Variants in ANKRD30A observed in about 807,000 individuals in gnomAD.
ANKRD30A encodes the protein ankyrin repeat domain 30A.
A neutral mutation model predicts 166.3 loss-of-function variants in ANKRD30A; 170 were observed. The ratio of observed to expected loss-of-function variants is 1.02; its 90% confidence interval spans 0.90 to 1.16. The LOEUF (loss-of-function observed/expected upper bound fraction) is 1.16, where lower values mean the gene tolerates loss of function less well. ANKRD30A is among the 50% of genes most tolerant of loss of function. ANKRD30A has a pLI of 0.00. For missense variants in ANKRD30A, 1,630 were observed against 1,518.0 expected, an observed-to-expected ratio of 1.07 and a Z score of -1.23; for synonymous variants, 564 against 508.9, an observed-to-expected ratio of 1.11 and a Z score of -1.46.
At chr10:37,206,195 G>A (rs1017163669) in intron 31 of ANKRD30A, among the ~76,000 whole-genome samples, 2 of 152,178 alleles carry the variant, frequency 1.3e-5, no homozygotes, top group African/African-American at 2.4e-5. Flanking sequence ...TGTGAGGCAT[G>A]AAGTGGGAGG....
intron 16 of ANKRD30A, 30 bp downstream of exon 16, chr10:37,162,707 G>T: frequency 3.1e-6 from 5 of 1,612,952 alleles, no homozygotes; most frequent in Non-Finnish European, 4.2e-6. Flanking sequence ...CATTTTGAAT[G>T]ACTTATTATC....
chr10:37,198,808 T>G (rs1841377587), intron 29 of ANKRD30A, among the ~76,000 whole-genome samples: 1 of 152,122 alleles, frequency 6.6e-6, no homozygotes, highest in Admixed American at 6.6e-5. Flanking sequence ...CCCTTAATGA[T>G]GAAATGGTCT....
Position 37,183,593 on chromosome 10 carries a change from A to G in ANKRD30A, c.2422-5874A>G, listed in dbSNP as rs371313414. 9.7e-4 allele frequency among the ~76,000 whole-genome samples: 143 copies of G among 147,106 alleles called. 1 individual carries two copies. In the East Asian group the frequency reaches 0.02, roughly 21 times the overall value. ...ACAGATTCATTCTGTGTCTCATGGC[A>G]CTGTGCTCTCTTTTTCCCTAGAGAG... On this transcript the variant is annotated intron_variant, in intron 24 of 35. Transcript: ENST00000361713.
intron 27 of ANKRD30A, among the ~76,000 whole-genome samples, chr10:37,196,855 G>T (rs1216474608): frequency 1.3e-5 from 2 of 152,184 alleles, no homozygotes; most frequent in African/African-American, 4.8e-5. Flanking sequence ...TCAGTGACGA[G>T]ATGTCAGTTG....
chr10:37,149,271 C>T (rs1714493258), intron 9 of ANKRD30A, among the ~76,000 whole-genome samples: 1 of 151,948 alleles, frequency 6.6e-6, no homozygotes, highest in Non-Finnish European at 1.5e-5. Flanking sequence ...TAACTATGTA[C>T]TTTTCCAAAG....
Position 37,219,233 on chromosome 10 carries a change from A to G in ANKRD30A, c.3521A>G (p.Glu1174Gly), listed in dbSNP as rs761085596. The G allele has an allele frequency of 1.2e-4, 198 of 1,610,756 alleles. 1 individual carries two copies. The Middle Eastern group carries it at 4.0e-3, about 32-fold the overall frequency. Residue 1174 changes from glutamate (E) to glycine (G), a missense_variant, in exon 34 of 36, where the codon GAG (glutamate) becomes GGG (glycine). Physicochemically the swap from Glu to Gly is moderately conservative, Grantham distance 98. This residue lies in a region of ANKRD30A where 712 missense variants were observed against 629.3 expected (regional missense o/e 1.13). Coordinates refer to ENST00000361713, the MANE Select transcript of ANKRD30A (RefSeq NM_052997.3). ...GGGCAGCTTAAAGTTCTGATAGCTG[A>G]GAACACAATGCTCACTTCTAAATTG... ...YSGQLKVLIA[E>G]NTMLTSKLKE...
At chr10:37,196,842 A>G (rs1841167589) in intron 27 of ANKRD30A, among the ~76,000 whole-genome samples, 1 of 152,174 alleles carries the variant, frequency 6.6e-6, no homozygotes, top group Non-Finnish European at 1.5e-5. Flanking sequence ...AATTCAAAAC[A>G]CTTCAGTGAC....
chr10:37,245,447 T>C, the ANKRD30A span, among the ~76,000 whole-genome samples: 33 of 152,248 alleles, frequency 2.2e-4, no homozygotes, highest in Non-Finnish European at 1.0e-4. Context: ...GCAAGAATAA[T>C]GTTGAATAAA....
Position 37,219,858 on chromosome 10 carries a change from C to A in ANKRD30A, c.4146C>A (p.Asn1382Lys), listed in dbSNP as rs1464389039. Reference protein sequence around the residue: ...EIFNYNNHLKNRIYQYEKEKA... With the variant: ...EIFNYNNHLKKRIYQYEKEKA... ...TTAATTACAATAACCATTTAAAAAA[C>A]CGTATATATCAATATGAAAAAGAGA... The change falls in exon 34 of 36, where the codon AAC (asparagine) becomes AAA (lysine). Residue 1382 changes from asparagine to lysine, a missense_variant. By Grantham distance (94) the Asn-to-Lys change is moderately conservative. Around this residue, in one of 4 missense-constraint regions of ANKRD30A, gnomAD observed 712 missense variants for 629.3 expected, o/e 1.13. Transcript: ENST00000361713. The A allele has an allele frequency of 1.9e-6, 3 of 1,549,196 alleles. No individual in the cohort carries two copies. The highest frequency in any genetic ancestry group is 1.7e-6 in the Non-Finnish European group (2 of 1,148,016).
intron 21 of ANKRD30A, among the ~76,000 whole-genome samples, chr10:37,172,518 A>G (rs1242087742): frequency 2.2e-5 from 3 of 139,488 alleles, no homozygotes; most frequent in South Asian, 4.6e-4. Context: ...AGAATTCTAC[A>G]GAGTTAGAGG....
At chr10:37,201,393 T>A in intron 31 of ANKRD30A, 68 bp downstream of exon 31, 3 of 1,237,004 alleles carry the variant, frequency 2.4e-6, no homozygotes, top group Non-Finnish European at 3.3e-6. Context: ...AGGAAGGATA[T>A]GCTCTAATAG....
At chr10:37,140,033 T>C (rs1436520980) in intron 6 of ANKRD30A, among the ~76,000 whole-genome samples, 4 of 152,220 alleles carry the variant, frequency 2.6e-5, no homozygotes, top group African/African-American at 9.6e-5. Flanking sequence ...ATATGTACTA[T>C]ATAGTGTATT....
chr10:37,130,367 G>A lies in ANKRD30A; in HGVS notation c.499G>A (p.Val167Met), dbSNP rs756416119. 6 of 1,512,370 alleles carry A rather than the reference G, an allele frequency of 4.0e-6. No individual in the cohort carries two copies. Among genetic ancestry groups the A allele is most frequent in the Non-Finnish European group, 5.3e-6 (6 of 1,128,192 alleles). 93.7% of individuals were successfully genotyped at this position (1,512,370 alleles called of 1,614,324 possible). The change falls in exon 3 of 36, where the codon GTG (valine) becomes ATG (methionine). Residue 167 changes from valine (V) to methionine (M), a missense_variant. Val to Met is a conservative substitution (Grantham distance 21). Transcript: ENST00000361713. Reference sequence around the variant, plus strand: ...GCTGTCCCATGGTGCAGTCATCGAAGTGCACAACAAGGTAGACACTAACCA... The same window carrying A: ...GCTGTCCCATGGTGCAGTCATCGAAATGCACAACAAGGTAGACACTAACCA... Reference protein sequence around the residue: ...KLLSHGAVIEVHNKASLTPLL... With the variant: ...KLLSHGAVIEMHNKASLTPLL...
At chr10:37,159,963 T>C (rs1838724664) in intron 15 of ANKRD30A, among the ~76,000 whole-genome samples, 1 of 152,166 alleles carries the variant, frequency 6.6e-6, no homozygotes, top group African/African-American at 2.4e-5. Flanking sequence ...CCTCCCAAAG[T>C]ACTGGAATTA....
chr10:37,144,838 A>G (rs1837386431), intron 7 of ANKRD30A, among the ~76,000 whole-genome samples, 157 bp from the exon 8 acceptor site: 1 of 152,162 alleles, frequency 6.6e-6, no homozygotes, highest in Non-Finnish European at 1.5e-5. Context: ...AGCTCTAACC[A>G]TTTGACTATA....
chr10:37,166,189 C>T (rs1588849951), intron 18 of ANKRD30A, among the ~76,000 whole-genome samples: 1 of 152,038 alleles, frequency 6.6e-6, no homozygotes, highest in Admixed American at 6.6e-5. Context: ...GTTCTATGAT[C>T]GTGAATATTT....
At chr10:37,258,663 A>T in the ANKRD30A span, among the ~76,000 whole-genome samples, 1 of 151,418 alleles carries the variant, frequency 6.6e-6, no homozygotes, top group African/African-American at 2.4e-5. Flanking sequence ...TAAAAAAAAA[A>T]AAAAAAAGCT....
Position 37,193,968 on chromosome 10 carries a change from A to G in ANKRD30A, c.2614+710A>G, listed in dbSNP as rs138880396. Among the ~76,000 whole-genome samples the G allele has an allele frequency of 4.7e-3, 720 of 152,244 alleles. 9 individuals carry two copies. The highest frequency in any genetic ancestry group is 0.016 in the African/African-American group (678 of 41,552). On this transcript the variant is annotated intron_variant, in intron 27 of 35. Transcript: ENST00000361713. Reference sequence around the variant, plus strand: ...ATAGCAGTTTGGGAGAGAAAGGCAGACAGATAAGTTAAGGTCAGGAGTCCC... The same window carrying G: ...ATAGCAGTTTGGGAGAGAAAGGCAGGCAGATAAGTTAAGGTCAGGAGTCCC...
At chr10:37,238,598 A>G in the ANKRD30A span, among the ~76,000 whole-genome samples, 1 of 152,292 alleles carries the variant, frequency 6.6e-6, no homozygotes, top group East Asian at 1.9e-4. Flanking sequence ...AACGTGTTTG[A>G]TATTTACCTA....
Sources: allele counts gnomAD v4.1 joint callset (sites outside exome capture counted in the v4.1 genomes callset), GRCh38; gene constraint gnomAD v4.1.1; regional missense constraint gnomAD v4.1.1; transcripts MANE v1.5; gene names NCBI Gene and HGNC (gene_info 2026-07-23, HGNC 2026-07-21).